Variants in SLC25A47 observed in about 807,000 individuals in gnomAD.
SLC25A47 encodes HCC-down-regulated mitochondrial carrier protein.
A neutral mutation model predicts 29.8 loss-of-function variants in SLC25A47; 30 were observed. The observed-to-expected ratio is 1.01, with a 90% CI of 0.75 to 1.36. The LOEUF is 1.36. SLC25A47 is among the 40% of genes most tolerant of loss of function. The probability of loss-of-function intolerance (pLI) is 0.00; values close to 1 mark genes in which losing one functional copy is unlikely to be tolerated. For missense variants in SLC25A47, 430 were observed against 441.9 expected (o/e 0.97, Z 0.24); for synonymous variants, 204 against 197.8 (o/e 1.03, Z -0.26).
chr14:100,327,464 T>C, intron 4 of SLC25A47, 94 bp downstream of exon 4: 3 of 1,373,116 alleles, frequency 2.2e-6, no homozygotes, highest in Non-Finnish European at 2.9e-6. Flanking sequence ...TGAGGCTTGA[T>C]GAGGGCAGAC....
intron 2 of SLC25A47, 148 bp downstream of exon 2, chr14:100,325,979 C>T: frequency 9.9e-7 from 1 of 1,014,090 alleles, no homozygotes; most frequent in Non-Finnish European, 1.5e-6. Flanking sequence ...TATGTCAGTC[C>T]CACTTTCTCA....
chr14:100,329,339 G>T (rs1388386686), intron 5 of SLC25A47, 26 bp from the exon 6 acceptor site: 2 of 1,568,820 alleles, frequency 1.3e-6, no homozygotes, highest in Admixed American at 3.6e-5. Context: ...CAGGCTCCCA[G>T]TCAAGGCACT....
chr14:100,328,398 G>A (rs542438535), intron 4 of SLC25A47, among the ~76,000 whole-genome samples: 51 of 152,264 alleles, frequency 3.3e-4, no homozygotes, highest in African/African-American at 1.1e-3. Flanking sequence ...GGCGTGAGCC[G>A]CTGCGCCTGG....
chr14:100,323,566 T>C lies in SLC25A47; in HGVS notation c.28+124T>C, dbSNP rs1893285979. The C allele has an allele frequency of 1.0e-5, 12 of 1,178,218 alleles. No homozygotes were observed. In the South Asian group the frequency reaches 1.2e-4, roughly 12 times the overall value. 73.0% of individuals were successfully genotyped at this position (1,178,218 alleles called of 1,614,324 possible). A position where few individuals can be genotyped will look rare whatever the true frequency, so the allele number is the denominator to read the frequency against. On this transcript the variant is annotated intron_variant, in intron 1 of 5. Transcript: ENST00000361529. ...GAGGAGCCCCTCACCCCCCAGGATC[T>C]GCCAGGAGCAGAGAGCAGGTTCCTG...
chr14:100,329,171 T>G, intron 5 of SLC25A47, 127 bp downstream of exon 5: 4 of 1,220,034 alleles, frequency 3.3e-6, no homozygotes, highest in Non-Finnish European at 4.5e-6. Flanking sequence ...CAGAGTGGGC[T>G]CCTCAGTTCT....
chr14:100,327,575 C>T (rs1038407255), intron 4 of SLC25A47, among the ~76,000 whole-genome samples: 13 of 152,174 alleles, frequency 8.5e-5, no homozygotes, highest in African/African-American at 2.4e-4. Context: ...GAGGGGGTCG[C>T]TGCTGTCCTG....
At position 100,330,071 on chromosome 14, in the gene SLC25A47, T is replaced by TCCCTTA. The variant is rs1893423507; in HGVS notation, c.*428_*433dup. The TCCCTTA allele has an allele frequency of 5.5e-6, 1 of 181,558 alleles. No homozygotes were observed. Among genetic ancestry groups the TCCCTTA allele is most frequent in the Admixed American group, 5.5e-5 (1 of 18,190 alleles). 11.2% of individuals were successfully genotyped at this position (181,558 alleles called of 1,614,324 possible). ...ACTGTTCCTGTGTCTTCACGAGCTGTCCCTTACAGGCAGGGGCTTCCCACA... is the reference window on the plus strand; with the variant it reads ...ACTGTTCCTGTGTCTTCACGAGCTGTCCCTTACCCTTACAGGCAGGGGCTTCCCACA... On this transcript the variant is annotated 3_prime_UTR_variant, in exon 6 of 6. Coordinates refer to ENST00000361529, the MANE Select transcript of SLC25A47 (RefSeq NM_207117.4).
At position 100,324,564 on chromosome 14, in the gene SLC25A47, C is replaced by G. The variant is rs190874678; in HGVS notation, c.28+1122C>G. Among the ~76,000 whole-genome samples the G allele has an allele frequency of 3.4e-3, 523 of 152,326 alleles. 1 individual carries two copies. Among genetic ancestry groups the G allele is most frequent in the Non-Finnish European group, 5.4e-3 (365 of 68,036 alleles). On this transcript the variant is annotated intron_variant, in intron 1 of 5. Transcript: ENST00000361529. ...TTCTCAGCCCCAGCTAGGTGCCAGC[C>G]TGGGGCCAGCCGCTCCCTTCCTCAG...
In SLC25A47 at chr14:100,326,130, C is replaced by T. The variant is rs139878401; in HGVS notation, c.73-27C>T. The T allele has an allele frequency of 5.3e-4, 847 of 1,600,316 alleles. 4 individuals are homozygous for T. In the African/African-American group the frequency reaches 7.6e-3, roughly 14 times the overall value. On this transcript the variant is annotated intron_variant, in intron 2 of 5. Transcript: ENST00000361529. ...GCCTTGCCCTAGGCCTGGAGCCGCT[C>T]GTGCCTGAAGCCCACTTCTCCTGCA...
intron 5 of SLC25A47, 26 bp from the exon 6 acceptor site, chr14:100,329,339 G>A (rs1388386686): frequency 6.4e-7 from 1 of 1,568,938 alleles, no homozygotes. Flanking sequence ...CAGGCTCCCA[G>A]TCAAGGCACT....
chr14:100,328,542 C>T (rs1893381088), intron 4 of SLC25A47, among the ~76,000 whole-genome samples, 184 bp from the exon 5 acceptor site: 1 of 152,256 alleles, frequency 6.6e-6, no homozygotes, highest in Admixed American at 6.5e-5. Context: ...GAAGCATGGG[C>T]TTTGGCATTG....
intron 1 of SLC25A47, among the ~76,000 whole-genome samples, chr14:100,325,457 T>C (rs1002014406): frequency 4.6e-5 from 7 of 152,120 alleles, no homozygotes; most frequent in Non-Finnish European, 8.8e-5. Flanking sequence ...GGATCAAACG[T>C]TCTCTCAGAG....
rs765285394 is a variant in SLC25A47 at position 100,328,821 on chromosome 14, G to A, written c.423G>A (p.Pro141=). The A allele has an allele frequency of 2.2e-5, 35 of 1,612,594 alleles. No homozygotes were observed. Among genetic ancestry groups the A allele is most frequent in the South Asian group, 5.5e-5 (5 of 91,080 alleles). ...AGCGGCGGCTTTCGGCCTCGGGGCC[G>A]TTGGCTGTGCCCCCCATGTGTCCTG... is the stretch of plus-strand genomic sequence containing the variant. ...KQQRRLSASG[P]LAVPPMCPVP... Residue 141 remains proline, a synonymous_variant, in exon 5 of 6, where the codon CCG becomes CCA. Coordinates refer to ENST00000361529, the MANE Select transcript of SLC25A47 (RefSeq NM_207117.4).
intron 1 of SLC25A47, among the ~76,000 whole-genome samples, chr14:100,324,488 G>A (rs1019650860): frequency 5.3e-5 from 8 of 152,228 alleles, no homozygotes; most frequent in Admixed American, 2.6e-4. Context: ...GCCTCCCAAA[G>A]TGCTGGGATT....
intron 3 of SLC25A47, among the ~76,000 whole-genome samples, chr14:100,326,744 C>T (rs796977639): frequency 2.6e-5 from 4 of 152,322 alleles, no homozygotes; most frequent in African/African-American, 9.6e-5. Context: ...GAGGCCGAAG[C>T]AGGCAGATCA....
intron 1 of SLC25A47, 51 bp downstream of exon 1, chr14:100,323,493 C>A (rs752794057): frequency 5.6e-6 from 9 of 1,608,064 alleles, no homozygotes; most frequent in Non-Finnish European, 7.7e-6. Flanking sequence ...CTGGGGGTAG[C>A]AGGAGGAACT....
chr14:100,330,046 A>C lies in SLC25A47; in HGVS notation c.*401A>C. ...CCATTCCTAGACCCTCACCCCCACC[A>C]CTGTTCCTGTGTCTTCACGAGCTGT... On this transcript the variant is annotated 3_prime_UTR_variant, in exon 6 of 6. Transcript: ENST00000361529. The C allele has an allele frequency of 9.0e-6, 2 of 222,390 alleles. No individual in the cohort carries two copies. The highest frequency in any genetic ancestry group is 1.8e-5 in the Non-Finnish European group (2 of 111,212). The allele number at this position is 222,390 out of a possible 1,614,324, so 13.8% of individuals were successfully genotyped here.
At chr14:100,325,723 T>G in intron 1 of SLC25A47, 65 bp from the exon 2 acceptor site, 7 of 1,544,484 alleles carry the variant, frequency 4.5e-6, no homozygotes, top group Non-Finnish European at 6.2e-6. Context: ...TCTGCTTCCC[T>G]GCAATGGGGT....
At chr14:100,326,460 C>T (rs1475286630) in intron 3 of SLC25A47, among the ~76,000 whole-genome samples, 2 of 152,206 alleles carry the variant, frequency 1.3e-5, no homozygotes, top group African/African-American at 2.4e-5. Context: ...CTAGAGGTAG[C>T]GTTCAGGTCT....
Sources: gnomAD v4.1 joint callset for allele counts (sites outside exome capture counted in the v4.1 genomes callset) on GRCh38, gnomAD v4.1.1 for gene constraint, MANE v1.5 for transcripts, NCBI Gene and HGNC (gene_info 2026-07-23, HGNC 2026-07-21) for gene names.